The following SLC13A4 variants were observed in gnomAD, a reference collection of about 807,000 sequenced individuals.
The protein encoded by SLC13A4 is solute carrier family 13 member 4, also known as Na(+)/sulfate cotransporter SUT-1.
A neutral mutation model predicts 72.7 loss-of-function variants in SLC13A4; 28 were observed. The ratio of observed to expected loss-of-function variants is 0.39; its 90% CI spans 0.29 to 0.53. SLC13A4 has a LOEUF of 0.53. Among genes scored for constraint, SLC13A4 ranks in the 20% least tolerant of loss-of-function variants. The pLI is 0.78. For missense variants in SLC13A4, 653 were observed against 788.0 expected, an observed-to-expected ratio of 0.83 and a Z score of 2.05; for synonymous variants, 312 against 325.5, an observed-to-expected ratio of 0.96 and a Z score of 0.45.
chr7:135,693,790 G>A (rs941447285), intron 10 of SLC13A4, among the ~76,000 whole-genome samples: 2 of 152,178 alleles, frequency 1.3e-5, no homozygotes, highest in Non-Finnish European at 2.9e-5. Context: ...CTGTGGTGGC[G>A]CGTCTGAGCA....
intron 13 of SLC13A4, among the ~76,000 whole-genome samples, chr7:135,690,302 A>G (rs1795751729): frequency 6.6e-6 from 1 of 151,412 alleles, no homozygotes; most frequent in South Asian, 2.1e-4. Flanking sequence ...ATTGTTTTCT[A>G]TTTTATGGAG....
chr7:135,723,044 G>A lies in SLC13A4; in HGVS notation c.100-1521C>T, dbSNP rs552574279. Among the ~76,000 whole-genome samples, 14 of 152,244 alleles carry A rather than the reference G, an allele frequency of 9.2e-5. 1 individual carries two copies. In the South Asian group the frequency reaches 1.9e-3, roughly 20 times the overall value. Reference sequence around the variant, plus strand: ...CCCTGGTCTCTACCCACTAAATGCCGGTAGCACTTCCTCCACTGTGACAAG... The same window carrying A: ...CCCTGGTCTCTACCCACTAAATGCCAGTAGCACTTCCTCCACTGTGACAAG... On this transcript the variant is annotated intron_variant, in intron 1 of 15. Coordinates refer to ENST00000682651, the MANE Select transcript of SLC13A4 (RefSeq NM_001318192.2).
In SLC13A4 at chr7:135,727,381, C is replaced by T. The variant is rs1411118742; in HGVS notation, c.99+17G>A. On this transcript the variant is annotated intron_variant, in intron 1 of 15. Transcript: ENST00000682651. ...CACTGACTCCCAGACCCCCGGTGGGCGCAGGTCGGTACTCACGCTGCTGGG... is the reference window on the plus strand; with the variant it reads ...CACTGACTCCCAGACCCCCGGTGGGTGCAGGTCGGTACTCACGCTGCTGGG... 2 of 1,547,868 alleles carry T rather than the reference C, an allele frequency of 1.3e-6. No individual in the cohort carries two copies. The highest frequency in any genetic ancestry group is 1.4e-5 in the African/African-American group (1 of 72,916).
chr7:135,691,855 T>G (rs751383237), intron 11 of SLC13A4: 1 of 518,586 alleles, frequency 1.9e-6, no homozygotes. Flanking sequence ...CTGGCTAGAG[T>G]AGATGTCTTA....
Position 135,691,277 on chromosome 7 carries a change from T to C in SLC13A4, c.1370A>G (p.Lys457Arg). The C allele has an allele frequency of 6.2e-7, 1 of 1,613,896 alleles. No homozygotes were observed. Among genetic ancestry groups the C allele is most frequent in the African/African-American group, 1.3e-5 (1 of 75,020 alleles). ...SLGTEPIITWKDFQKTMPWEI... is the reference protein window; with the variant it reads ...SLGTEPIITWRDFQKTMPWEI... ...CCAGGGCATGGTCTTCTGGAAGTCC[T>C]TCCACGTGATGATGGGCTCGGTCCC... The change falls in exon 13 of 16, where the codon AAG becomes AGG. Residue 457 changes from lysine (K) to arginine (R), a missense_variant. By Grantham distance (26) the Lys-to-Arg change is conservative. Transcript: ENST00000682651.
At chr7:135,726,247 G>A (rs893582478) in intron 1 of SLC13A4, among the ~76,000 whole-genome samples, 2 of 152,190 alleles carry the variant, frequency 1.3e-5, no homozygotes, top group Non-Finnish European at 2.9e-5. Context: ...AAATTGACTA[G>A]GGTACAGTCC....
chr7:135,697,863 T>C (rs1795938591), intron 8 of SLC13A4, among the ~76,000 whole-genome samples: 1 of 152,126 alleles, frequency 6.6e-6, no homozygotes, highest in South Asian at 2.1e-4. Context: ...TAATCTAGCT[T>C]ACTCCCGTCC....
Position 135,681,310 on chromosome 7 carries a change from T to C in SLC13A4, c.*253A>G, listed in dbSNP as rs1795492949. The C allele has an allele frequency of 2.6e-6, 1 of 379,602 alleles. No homozygotes were observed. Among genetic ancestry groups the C allele is most frequent in the East Asian group, 3.8e-5 (1 of 26,088 alleles). The allele number at this position is 379,602 out of a possible 1,614,324, so 23.5% of individuals were successfully genotyped here. On this transcript the variant is annotated 3_prime_UTR_variant, in exon 16 of 16. Transcript: ENST00000682651. ...TTTTCTGTGAGCCTATGGCTTGTATTGAAACTTTAGGTTTTCTTGAGCTGT... is the reference window on the plus strand; with the variant it reads ...TTTTCTGTGAGCCTATGGCTTGTATCGAAACTTTAGGTTTTCTTGAGCTGT...
intron 8 of SLC13A4, among the ~76,000 whole-genome samples, chr7:135,698,098 T>G (rs1795944257): frequency 6.6e-6 from 1 of 152,184 alleles, no homozygotes; most frequent in Non-Finnish European, 1.5e-5. Context: ...TGTGGTGCGA[T>G]CTCAGCTCAC....
chr7:135,715,279 A>G (rs1796397722), intron 2 of SLC13A4, among the ~76,000 whole-genome samples: 2 of 146,358 alleles, frequency 1.4e-5, no homozygotes, highest in Admixed American at 6.8e-5. Flanking sequence ...GTATGAGTGT[A>G]TGAGTGTGTG....
At chr7:135,713,634 G>C (rs1030318413) in intron 2 of SLC13A4, among the ~76,000 whole-genome samples, 3 of 152,074 alleles carry the variant, frequency 2.0e-5, no homozygotes, top group African/African-American at 7.3e-5. Context: ...CTGGAGTGTA[G>C]TAGCCTGATC....
In SLC13A4 at chr7:135,727,385, G is replaced by A. The variant is rs530335122; in HGVS notation, c.99+13C>T. The stretch of plus-strand genomic sequence containing the variant: ...GACTCCCAGACCCCCGGTGGGCGCA[G>A]GTCGGTACTCACGCTGCTGGGGTGG... On this transcript the variant is annotated intron_variant, in intron 1 of 15. Coordinates refer to ENST00000682651, the MANE Select transcript of SLC13A4 (RefSeq NM_001318192.2). The A allele has an allele frequency of 1.3e-6, 2 of 1,548,888 alleles. No individual in the cohort carries two copies. Among genetic ancestry groups the A allele is most frequent in the East Asian group, 2.4e-5 (1 of 40,904 alleles).
In SLC13A4 at chr7:135,692,304, AG is replaced by A. The variant is rs758012137; in HGVS notation, c.1223+18del. The stretch of plus-strand genomic sequence containing the variant: ...TGGGGTGAGGGGGTTGTTCTTAAGG[AG>A]GAAATGATATCACTTACTTTTCAAA... On this transcript the variant is annotated intron_variant, in intron 11 of 15. Coordinates refer to ENST00000682651, the MANE Select transcript of SLC13A4 (RefSeq NM_001318192.2). 1 of 1,567,052 alleles carries A rather than the reference AG, an allele frequency of 6.4e-7. No homozygotes were observed. The highest frequency in any genetic ancestry group is 1.4e-5 in the African/African-American group (1 of 73,934).
At chr7:135,690,846 T>C (rs1301396588) in intron 13 of SLC13A4, among the ~76,000 whole-genome samples, 2 of 152,142 alleles carry the variant, frequency 1.3e-5, no homozygotes, top group African/African-American at 4.8e-5. Context: ...TAGGTAAAGA[T>C]GCTGGAAAAG....
rs1796142085 is a variant in SLC13A4, at chr7:135,705,602, T to C, written c.587A>G (p.Asn196Ser). 3.1e-6 allele frequency: 5 copies of C among 1,614,074 alleles called. No individual in the cohort carries two copies. Among genetic ancestry groups the C allele is most frequent in the East Asian group, 2.2e-5 (1 of 44,886 alleles). Residue 196 changes from asparagine to serine, a missense_variant, in exon 5 of 16, where the codon AAT (asparagine) becomes AGT (serine). Physicochemically the swap from Asn to Ser is conservative, Grantham distance 46 (BLOSUM62 1). Transcript: ENST00000682651. The stretch of plus-strand genomic sequence containing the variant: ...AGAGGGCAGTCATACTCACTCTTCA[T>C]TGACAAAGATGAGTTCCAGAGAAGG... ...SQPSLELIFV[N>S]EDRSNADLTT... is the part of the protein sequence containing the mutation.
chr7:135,695,641 G>A (rs186759979), intron 8 of SLC13A4, among the ~76,000 whole-genome samples, 154 bp from the exon 9 acceptor site: 108 of 152,272 alleles, frequency 7.1e-4, no homozygotes, highest in African/African-American at 2.6e-3. Context: ...GACTCATTTA[G>A]TTGACAGTTG....
At position 135,727,480 on chromosome 7, in the gene SLC13A4, C is replaced by A; in HGVS notation, c.17G>T (p.Gly6Val). Residue 6 changes from glycine to valine, a missense_variant, in exon 1 of 16, where the codon GGC becomes GTC. Transcript: ENST00000682651. ...CAGCAGCTTCCGGACTCGGAGCAGG[C>A]CCTGCAGCAGGCCCATCGCGCCTCT... is the stretch of plus-strand genomic sequence containing the variant. MGLLQ[G>V]LLRVRKLLLV... The A allele has an allele frequency of 6.4e-7, 1 of 1,550,496 alleles. No homozygotes were observed. The highest frequency in any genetic ancestry group is 8.7e-7 in the Non-Finnish European group (1 of 1,146,824).
intron 15 of SLC13A4, chr7:135,683,624 G>A (rs1024192226): frequency 1.1e-5 from 11 of 985,210 alleles, no homozygotes; most frequent in Non-Finnish European, 1.3e-5. Flanking sequence ...AAAATGAATG[G>A]TGGACGCTTC....
chr7:135,685,296 A>G (rs1795596294), intron 14 of SLC13A4, among the ~76,000 whole-genome samples: 1 of 152,200 alleles, frequency 6.6e-6, no homozygotes, highest in African/African-American at 2.4e-5. Context: ...CTTTTGGACA[A>G]AGGTTTCTAG....
Sources: gnomAD v4.1 joint callset for allele counts (sites outside exome capture counted in the v4.1 genomes callset) on GRCh38, gnomAD v4.1.1 for gene constraint, MANE v1.5 for transcripts, NCBI Gene and HGNC (gene_info 2026-07-23, HGNC 2026-07-21) for gene names.